The following AMN1 variants were observed in gnomAD, a reference collection of about 807,000 sequenced individuals.
AMN1 encodes the protein protein AMN1 homolog.
AMN1 carries 20 observed loss-of-function variants against 33.0 expected under a neutral mutation model. That is an observed-to-expected ratio of 0.61 (90% confidence interval 0.43 to 0.88). The LOEUF is 0.88. AMN1 is among the 40% of genes least tolerant of loss of function. The pLI is 0.00. For missense variants in AMN1, 246 were observed against 307.4 expected, an observed-to-expected ratio of 0.80 and a Z score of 1.49; for synonymous variants, 114 against 111.9, an observed-to-expected ratio of 1.02 and a Z score of -0.12.
chr12:31,698,752 T>C (rs77203342), intron 3 of AMN1, among the ~76,000 whole-genome samples: 37 of 152,082 alleles, frequency 2.4e-4, no homozygotes, highest in Admixed American at 2.3e-3. Context: ...TTTTTTTTTT[T>C]CTTAAGACCA....
intron 5 of AMN1, among the ~76,000 whole-genome samples, chr12:31,692,106 A>C (rs886912903): frequency 1.1e-4 from 16 of 149,674 alleles, no homozygotes; most frequent in Non-Finnish European, 1.3e-4. Flanking sequence ...TCAAACTCTG[A>C]CCTCAAGTGA....
intron 1 of AMN1, 95 bp downstream of exon 1, chr12:31,728,876 T>TGGGAAAGGGGC (rs1940190527): frequency 1.9e-6 from 2 of 1,039,268 alleles, no homozygotes; most frequent in African/African-American, 5.2e-5. Context: ...GCGGGGGGGG[T>TGGGAAAGGGGC]GGGAAAGGGG....
intron 6 of AMN1, among the ~76,000 whole-genome samples, chr12:31,679,463 G>A (rs1030072124): frequency 2.6e-5 from 4 of 152,258 alleles, no homozygotes; most frequent in Admixed American, 1.3e-4. Flanking sequence ...CCTGGGAGGC[G>A]GAGGTTGCAG....
chr12:31,727,669 A>G (rs754215770), intron 1 of AMN1, among the ~76,000 whole-genome samples: 22 of 152,146 alleles, frequency 1.4e-4, no homozygotes, highest in Non-Finnish European at 2.2e-4. Context: ...TCTTTTCCTT[A>G]TTAGAAATTT....
chr12:31,700,911 G>A (rs61932064), intron 3 of AMN1, among the ~76,000 whole-genome samples: 1,624 of 152,028 alleles, frequency 0.011, 16 homozygotes, highest in Middle Eastern at 0.017. Context: ...GGATGGTCTC[G>A]ATCTCCTGAC....
intron 6 of AMN1, among the ~76,000 whole-genome samples, chr12:31,678,348 A>G (rs1937831432): frequency 6.6e-6 from 1 of 152,056 alleles, no homozygotes; most frequent in Non-Finnish European, 1.5e-5. Flanking sequence ...TCATGGCAGG[A>G]GCACTTGGAA....
chr12:31,719,435 A>T (rs1331171856), intron 1 of AMN1: 3 of 360,910 alleles, frequency 8.3e-6, no homozygotes. Context: ...GGAAGTAAAA[A>T]TATATACAAT....
intron 1 of AMN1, among the ~76,000 whole-genome samples, chr12:31,726,085 G>C (rs542778561): frequency 6.6e-6 from 1 of 151,638 alleles, no homozygotes; most frequent in African/African-American, 2.4e-5. Flanking sequence ...CATTTTCCCC[G>C]TAAGACACTT....
intron 6 of AMN1, 145 bp from the exon 7 acceptor site, chr12:31,672,522 A>G (rs914902116): frequency 3.3e-6 from 2 of 599,546 alleles, no homozygotes; most frequent in Non-Finnish European, 5.9e-6. Context: ...TATACAACTA[A>G]CTCACTAATA....
At position 31,704,858 on chromosome 12, in the gene AMN1, A is replaced by T. The variant is rs991694266; in HGVS notation, c.172-2851T>A. Among the ~76,000 whole-genome samples, 11 of 152,344 alleles carry T rather than the reference A, an allele frequency of 7.2e-5. 1 individual carries two copies. The highest frequency in any genetic ancestry group is 1.9e-4 in the East Asian group (1 of 5,192). On this transcript the variant is annotated intron_variant, in intron 2 of 6. Transcript: ENST00000281471. ...TAAAAAATGGTAAGGATTGCCATCA[A>T]ACAAAAACCTAAGTCACTGAAGGAT...
rs541869395 is a variant in AMN1, at chr12:31,680,452, C to T, written c.704-8075G>A. ...CTGACCTCAGGTGATCCGCCTGCCTCGGCCCCCCCACAGGGCTGGGATTAC... is the reference window on the plus strand; with the variant it reads ...CTGACCTCAGGTGATCCGCCTGCCTTGGCCCCCCCACAGGGCTGGGATTAC... On this transcript the variant is annotated intron_variant, in intron 6 of 6. Transcript: ENST00000281471. 2.0e-4 allele frequency among the ~76,000 whole-genome samples: 31 copies of T among 152,286 alleles called. No individual in the cohort carries two copies. The East Asian group carries it at 5.8e-3, about 28-fold the overall frequency.
intron 1 of AMN1, among the ~76,000 whole-genome samples, chr12:31,718,383 G>C (rs1396255364): frequency 1.3e-5 from 2 of 151,952 alleles, no homozygotes; most frequent in South Asian, 2.1e-4. Flanking sequence ...TGGAGAGTTT[G>C]TTATTACCAA....
chr12:31,711,810 TTTTA>T (rs1219770141), intron 1 of AMN1, among the ~76,000 whole-genome samples: 2 of 152,196 alleles, frequency 1.3e-5, no homozygotes, highest in Admixed American at 6.6e-5. Context: ...GAACACTATT[TTTTA>T]TTTGTGTATT....
chr12:31,710,934 G>T lies in AMN1; in HGVS notation c.39-1509C>A, dbSNP rs56131645. ...GCTAGTTTATTTATTTTTTGAGACA[G>T]AGTCTCACTCTGTCACCCAGGCTGG... On this transcript the variant is annotated intron_variant, in intron 1 of 6. Coordinates refer to ENST00000281471, the MANE Select transcript of AMN1 (RefSeq NM_001113402.2). 8.4e-3 allele frequency among the ~76,000 whole-genome samples: 1,274 copies of T among 152,194 alleles called. 18 individuals are homozygous for T. The highest frequency in any genetic ancestry group is 0.029 in the African/African-American group (1,202 of 41,536).
chr12:31,719,196 C>G lies in AMN1; in HGVS notation c.39-9771G>C, dbSNP rs563132659. ...GGGCTGCAGTCACTGTTCAACCAGT[C>G]CCAGTGAGATGAACCAGGTACCTCA... On this transcript the variant is annotated intron_variant, in intron 1 of 6. Transcript: ENST00000281471. The G allele has an allele frequency of 1.7e-5, 4 of 241,428 alleles. No homozygotes were observed. The South Asian group carries it at 6.1e-4, about 37-fold the overall frequency. The allele number at this position is 241,428 out of a possible 1,614,324, so 15.0% of individuals were successfully genotyped here.
intron 6 of AMN1, among the ~76,000 whole-genome samples, chr12:31,684,363 T>C (rs1938159358): frequency 2.6e-5 from 4 of 152,154 alleles, no homozygotes; most frequent in Admixed American, 2.6e-4. Flanking sequence ...TTCTAGGTAA[T>C]AGATTTACGA....
chr12:31,694,861 T>C (rs774827464), intron 5 of AMN1, among the ~76,000 whole-genome samples: 113 of 151,988 alleles, frequency 7.4e-4, no homozygotes, highest in Non-Finnish European at 1.4e-3. Flanking sequence ...TCTAGCACTT[T>C]AGGAAGTCAA....
intron 3 of AMN1, among the ~76,000 whole-genome samples, chr12:31,701,075 A>G (rs1270955634): frequency 1.5e-5 from 2 of 136,860 alleles, no homozygotes; most frequent in African/African-American, 2.8e-5. Flanking sequence ...TCTCAGCTCA[A>G]TGCAACCTCC....
chr12:31,712,683 G>T (rs1278756387), intron 1 of AMN1, among the ~76,000 whole-genome samples: 1 of 151,860 alleles, frequency 6.6e-6, no homozygotes, highest in Non-Finnish European at 1.5e-5. Context: ...TTGAGACAGA[G>T]TCTTGCTCTG....
Sources: gnomAD v4.1 joint callset for allele counts (sites outside exome capture counted in the v4.1 genomes callset) on GRCh38, gnomAD v4.1.1 for gene constraint, MANE v1.5 for transcripts, NCBI Gene and HGNC (gene_info 2026-07-23, HGNC 2026-07-21) for gene names.